Variants in NDUFAF2 observed in about 807,000 individuals in gnomAD.
The protein encoded by NDUFAF2 is NADH:ubiquinone oxidoreductase complex assembly factor 2, also known as NADH dehydrogenase [ubiquinone] 1 alpha subcomplex assembly factor 2.
A neutral mutation model predicts 22.8 loss-of-function variants in NDUFAF2; 13 were observed. That is an observed-to-expected ratio of 0.57 (90% CI 0.37 to 0.91). The LOEUF (loss-of-function observed/expected upper bound fraction) is 0.91, where lower values mean the gene tolerates loss of function less well. Ranked by LOEUF, NDUFAF2 falls within the 40% of genes least tolerant of loss-of-function variation. The pLI is 0.01. For synonymous variants in NDUFAF2, 53 were observed against 64.2 expected (o/e 0.83, Z 0.84); for missense variants, 162 against 195.2 (o/e 0.83, Z 1.01).
chr5:61,127,055 C>G (rs565951024), intron 3 of NDUFAF2, among the ~76,000 whole-genome samples: 1 of 152,134 alleles, frequency 6.6e-6, no homozygotes, highest in Non-Finnish European at 1.5e-5. Flanking sequence ...ATAAATGCCT[C>G]AACACATACA....
At chr5:60,978,072 G>C (rs1160834513) in intron 1 of NDUFAF2, among the ~76,000 whole-genome samples, 1 of 152,168 alleles carries the variant, frequency 6.6e-6, no homozygotes, top group Non-Finnish European at 1.5e-5. Context: ...GATCATATCT[G>C]TGTGCTTGGG....
chr5:61,151,535 T>C (rs1741237915), intron 3 of NDUFAF2, among the ~76,000 whole-genome samples: 1 of 152,122 alleles, frequency 6.6e-6, no homozygotes, highest in South Asian at 2.1e-4. Flanking sequence ...TCCCAGCACT[T>C]TGGGAGGCTG....
At chr5:61,007,686 A>G (rs1751386239) in intron 1 of NDUFAF2, among the ~76,000 whole-genome samples, 1 of 152,140 alleles carries the variant, frequency 6.6e-6, no homozygotes, top group Non-Finnish European at 1.5e-5. Context: ...AAATAGGAAC[A>G]CTTTTACACT....
chr5:61,147,839 C>T (rs776646110), intron 3 of NDUFAF2, among the ~76,000 whole-genome samples: 101 of 152,076 alleles, frequency 6.6e-4, no homozygotes, highest in Non-Finnish European at 3.2e-4. Flanking sequence ...TAGTCCTACA[C>T]CTAAGGAGTG....
At chr5:61,123,945 T>C (rs1370206904) in intron 3 of NDUFAF2, among the ~76,000 whole-genome samples, 1 of 152,112 alleles carries the variant, frequency 6.6e-6, no homozygotes, top group Non-Finnish European at 1.5e-5. Context: ...ACTCTTTGTA[T>C]GTAGAAAAAA....
intron 3 of NDUFAF2, among the ~76,000 whole-genome samples, chr5:61,124,483 C>G (rs1459460172): frequency 6.6e-6 from 1 of 151,932 alleles, no homozygotes; most frequent in Non-Finnish European, 1.5e-5. Flanking sequence ...TTTATTATAA[C>G]TTATAAATCT....
chr5:61,003,098 T>A (rs1180343228), intron 1 of NDUFAF2, among the ~76,000 whole-genome samples: 2 of 152,152 alleles, frequency 1.3e-5, no homozygotes, highest in African/African-American at 4.8e-5. Flanking sequence ...GGAAATATAC[T>A]TGTTAGCATG....
At chr5:61,121,525 T>C (rs1254936293) in intron 3 of NDUFAF2, among the ~76,000 whole-genome samples, 2 of 152,186 alleles carry the variant, frequency 1.3e-5, no homozygotes, top group Non-Finnish European at 2.9e-5. Context: ...CTTGCACATA[T>C]GTTTTGTTTG....
intron 1 of NDUFAF2, among the ~76,000 whole-genome samples, chr5:61,004,299 A>G (rs1009382067): frequency 6.6e-6 from 1 of 152,160 alleles, no homozygotes; most frequent in East Asian, 1.9e-4. Flanking sequence ...GAATTAAATC[A>G]ATGAGTTAGT....
At chr5:60,974,231 T>G (rs1287152125) in intron 1 of NDUFAF2, among the ~76,000 whole-genome samples, 17 of 152,200 alleles carry the variant, frequency 1.1e-4, no homozygotes, top group Admixed American at 1.1e-3. Flanking sequence ...GGCTTCATCT[T>G]TCTCCTATGC....
intron 3 of NDUFAF2, among the ~76,000 whole-genome samples, chr5:61,112,918 T>C (rs1752863618): frequency 6.6e-6 from 1 of 151,976 alleles, no homozygotes; most frequent in Admixed American, 6.6e-5. Context: ...GTTGTATGTT[T>C]TTACATTTGA....
At chr5:61,135,670 A>C (rs1257120200) in intron 3 of NDUFAF2, among the ~76,000 whole-genome samples, 1 of 152,074 alleles carries the variant, frequency 6.6e-6, no homozygotes, top group African/African-American at 2.4e-5. Flanking sequence ...ATTCTAAAGC[A>C]TACCGAAGTT....
intron 1 of NDUFAF2, among the ~76,000 whole-genome samples, chr5:61,019,496 T>C (rs183041751): frequency 5.3e-5 from 8 of 152,168 alleles, no homozygotes; most frequent in African/African-American, 1.9e-4. Context: ...AGAATATTAA[T>C]AAATATTCTT....
At chr5:61,114,067 T>C (rs1293079122) in intron 3 of NDUFAF2, among the ~76,000 whole-genome samples, 3 of 152,200 alleles carry the variant, frequency 2.0e-5, no homozygotes, top group African/African-American at 4.8e-5. Context: ...TATTGATATC[T>C]TTCTTTGGGC....
chr5:60,982,852 A>G (rs1033487625), intron 1 of NDUFAF2, among the ~76,000 whole-genome samples: 2 of 152,056 alleles, frequency 1.3e-5, no homozygotes, highest in Non-Finnish European at 2.9e-5. Context: ...TAGTGCCGCA[A>G]TAAACATACG....
intron 1 of NDUFAF2, among the ~76,000 whole-genome samples, chr5:61,061,197 A>G (rs1419073036): frequency 2.6e-5 from 4 of 152,194 alleles, no homozygotes; most frequent in African/African-American, 9.7e-5. Flanking sequence ...TGCAGAAGAA[A>G]GGGAAACTTT....
rs11406731 is a variant in NDUFAF2, at chr5:60,977,422, C to CAA, written c.127+32048_127+32049dup. ...CCAGCCTGGGTTATGGAGCTGTCTC[C>CAA]AAAAAAAAAGAAAAAATTGAAACAA... On this transcript the variant is annotated intron_variant, in intron 1 of 3. Transcript: ENST00000296597. Among the ~76,000 whole-genome samples, 375 of 149,544 alleles carry CAA rather than the reference C, an allele frequency of 2.5e-3. 8 individuals carry two copies. The highest frequency in any genetic ancestry group is 8.7e-3 in the African/African-American group (351 of 40,544).
chr5:61,118,410 A>G (rs1450365286), intron 3 of NDUFAF2, among the ~76,000 whole-genome samples: 1 of 152,188 alleles, frequency 6.6e-6, no homozygotes, highest in Non-Finnish European at 1.5e-5. Context: ...CTAGCTGTCC[A>G]TTTATCTATC....
intron 2 of NDUFAF2, among the ~76,000 whole-genome samples, chr5:61,079,203 T>C (rs1012980989): frequency 6.6e-6 from 1 of 152,230 alleles, no homozygotes; most frequent in African/African-American, 2.4e-5. Flanking sequence ...CAGTATAAAA[T>C]GTCATACCCA....
Sources: gnomAD v4.1 joint callset for allele counts (sites outside exome capture counted in the v4.1 genomes callset) on GRCh38, gnomAD v4.1.1 for gene constraint, MANE v1.5 for transcripts, NCBI Gene and HGNC (gene_info 2026-07-23, HGNC 2026-07-21) for gene names.